AK5: variants seen among roughly 807,000 people sequenced by gnomAD.
The protein encoded by AK5 is adenylate kinase isoenzyme 5.
AK5 carries 27 observed loss-of-function variants against 69.5 expected under a neutral mutation model. The observed-to-expected ratio is 0.39, with a 90% confidence interval of 0.29 to 0.54. The LOEUF (loss-of-function observed/expected upper bound fraction) is 0.54, where lower values mean the gene tolerates loss of function less well. Ranked by LOEUF, AK5 falls within the 20% of genes least tolerant of loss-of-function variation. The pLI is 0.71. For missense variants in AK5, 531 were observed against 700.4 expected (o/e 0.76, Z 2.73); for synonymous variants, 260 against 244.4 (o/e 1.06, Z -0.60).
At chr1:77,283,670 A>C in intron 1 of AK5, 1 of 953,220 alleles carries the variant, frequency 1.0e-6, no homozygotes, top group Non-Finnish European at 1.2e-6. Context: ...CAAATGTGTT[A>C]CTCCTGCGTG....
intron 6 of AK5, among the ~76,000 whole-genome samples, chr1:77,404,822 C>G (rs1179539343): frequency 6.6e-6 from 1 of 152,164 alleles, no homozygotes; most frequent in Non-Finnish European, 1.5e-5. Context: ...GTTGAAGAAT[C>G]CACATGTGAA....
At chr1:77,467,035 C>T (rs1654184821) in intron 8 of AK5, among the ~76,000 whole-genome samples, 1 of 152,224 alleles carries the variant, frequency 6.6e-6, no homozygotes, top group African/African-American at 2.4e-5. Flanking sequence ...ACAATAGCTT[C>T]TATGGGACCA....
At chr1:77,450,852 G>T (rs1266664588) in intron 8 of AK5, among the ~76,000 whole-genome samples, 1 of 152,028 alleles carries the variant, frequency 6.6e-6, no homozygotes, top group Non-Finnish European at 1.5e-5. Context: ...TCCTTATTTT[G>T]TTAAATTTAA....
At chr1:77,558,105 T>G (rs1256807208) in intron 13 of AK5, among the ~76,000 whole-genome samples, 1 of 152,244 alleles carries the variant, frequency 6.6e-6, no homozygotes, top group Non-Finnish European at 1.5e-5. Flanking sequence ...ATTAAAATAC[T>G]GAAGATCATC....
At chr1:77,426,344 C>T (rs894881293) in intron 8 of AK5, among the ~76,000 whole-genome samples, 1 of 152,130 alleles carries the variant, frequency 6.6e-6, no homozygotes, top group African/African-American at 2.4e-5. Context: ...TAATTTCAGA[C>T]AGAGCAGAAT....
intron 8 of AK5, among the ~76,000 whole-genome samples, chr1:77,438,965 G>A (rs1652137999): frequency 6.6e-6 from 1 of 152,100 alleles, no homozygotes; most frequent in Non-Finnish European, 1.5e-5. Context: ...TCACCAAAGG[G>A]AGAGAGTCAG....
intron 8 of AK5, among the ~76,000 whole-genome samples, chr1:77,418,132 T>A (rs1650551899): frequency 6.6e-6 from 1 of 152,164 alleles, no homozygotes; most frequent in Non-Finnish European, 1.5e-5. Context: ...TACCCAAGAC[T>A]GGGCAATTTA....
intron 1 of AK5, chr1:77,283,008 G>C: frequency 1.0e-6 from 1 of 985,602 alleles, no homozygotes; most frequent in Non-Finnish European, 1.2e-6. Flanking sequence ...TGGGCCGCAG[G>C]TTTCGCCAGT....
chr1:77,337,812 A>G (rs957909810), intron 5 of AK5, among the ~76,000 whole-genome samples: 1 of 152,234 alleles, frequency 6.6e-6, no homozygotes, highest in Non-Finnish European at 1.5e-5. Flanking sequence ...TTGCACAAGG[A>G]CAAACAACGA....
chr1:77,488,327 T>G (rs533293130), intron 10 of AK5, among the ~76,000 whole-genome samples: 2 of 152,194 alleles, frequency 1.3e-5, no homozygotes, highest in Non-Finnish European at 2.9e-5. Flanking sequence ...GAAAATTAGT[T>G]GTGCTATAGA....
At chr1:77,326,361 G>A (rs1447891548) in intron 5 of AK5, among the ~76,000 whole-genome samples, 3 of 152,018 alleles carry the variant, frequency 2.0e-5, no homozygotes, top group African/African-American at 7.2e-5. Context: ...TTCTTTTGAA[G>A]TGTTAGCTTC....
At chr1:77,410,835 A>T (rs1169365273) in intron 6 of AK5, 146 bp from the exon 7 acceptor site, 2 of 631,576 alleles carry the variant, frequency 3.2e-6, no homozygotes, top group East Asian at 2.8e-5. Flanking sequence ...AACCCTCTAA[A>T]TGTCTGATTA....
chr1:77,408,711 C>T (rs1649825374), intron 6 of AK5, among the ~76,000 whole-genome samples: 1 of 151,976 alleles, frequency 6.6e-6, no homozygotes, highest in African/African-American at 2.4e-5. Context: ...TCACTTAGAA[C>T]TCAGTAAAGT....
At chr1:77,349,067 G>T (rs976769428) in intron 6 of AK5, among the ~76,000 whole-genome samples, 4 of 151,932 alleles carry the variant, frequency 2.6e-5, no homozygotes, top group African/African-American at 9.7e-5. Flanking sequence ...CAAAATAAAA[G>T]AAAAAGAATA....
At chr1:77,384,841 A>G (rs1647892722) in intron 6 of AK5, among the ~76,000 whole-genome samples, 1 of 152,150 alleles carries the variant, frequency 6.6e-6, no homozygotes, top group African/African-American at 2.4e-5. Flanking sequence ...TGACACTACT[A>G]CTACTACAAG....
At chr1:77,457,841 G>C (rs918309810) in intron 8 of AK5, among the ~76,000 whole-genome samples, 26 of 152,118 alleles carry the variant, frequency 1.7e-4, no homozygotes, top group African/African-American at 6.3e-4. Context: ...TATTTAGGCC[G>C]TCTATTAGCT....
At position 77,463,279 on chromosome 1, in the gene AK5, T is replaced by G. The variant is rs114824394; in HGVS notation, c.1060-20038T>G. 3.4e-3 allele frequency among the ~76,000 whole-genome samples: 517 copies of G among 152,342 alleles called. 4 individuals are homozygous for G. The highest frequency in any genetic ancestry group is 0.012 in the African/African-American group (494 of 41,582). On this transcript the variant is annotated intron_variant, in intron 8 of 13. Coordinates refer to ENST00000354567, the MANE Select transcript of AK5 (RefSeq NM_174858.3). ...TCAGAGCACAGCACAGTTAGTCTGA[T>G]CATGATCAGCTTGGTTCACATTGAT...
intron 5 of AK5, among the ~76,000 whole-genome samples, chr1:77,309,017 A>G (rs2100285362): frequency 6.6e-6 from 1 of 151,264 alleles, no homozygotes; most frequent in South Asian, 2.1e-4. Context: ...TATAAGTGGG[A>G]GCAGAACAAT....
chr1:77,401,545 G>T (rs1649217319), intron 6 of AK5, among the ~76,000 whole-genome samples: 2 of 152,162 alleles, frequency 1.3e-5, no homozygotes, highest in South Asian at 4.1e-4. Flanking sequence ...ATGGGAGACA[G>T]ACCTAAGTTT....
Sources: allele counts gnomAD v4.1 joint callset (sites outside exome capture counted in the v4.1 genomes callset), GRCh38; gene constraint gnomAD v4.1.1; transcripts MANE v1.5; gene names NCBI Gene and HGNC (gene_info 2026-07-23, HGNC 2026-07-21).